CACYBP: variants seen among roughly 807,000 people sequenced by gnomAD.
CACYBP encodes the protein calcyclin-binding protein.
A neutral mutation model predicts 29.6 loss-of-function variants in CACYBP; 11 were observed. That is an observed-to-expected ratio of 0.37 (90% CI 0.23 to 0.61). CACYBP has a LOEUF of 0.61. CACYBP is among the 20% of genes least tolerant of loss of function. The pLI is 0.65. For synonymous variants in CACYBP, 73 were observed against 88.3 expected (o/e 0.83, Z 0.97); for missense variants, 163 against 260.7 (o/e 0.63, Z 2.58).
rs1672716598 is a variant in CACYBP at position 175,010,238 on chromosome 1, A to T, written c.*159A>T. The T allele has an allele frequency of 1.4e-5, 8 of 580,572 alleles. No individual in the cohort carries two copies. The highest frequency in any genetic ancestry group is 2.1e-5 in the Non-Finnish European group (7 of 331,932). The allele number at this position is 580,572 out of a possible 1,614,324, so 36.0% of individuals were successfully genotyped here. On this transcript the variant is annotated 3_prime_UTR_variant, in exon 6 of 6. Coordinates refer to ENST00000367679, the MANE Select transcript of CACYBP (RefSeq NM_014412.3). The stretch of plus-strand genomic sequence containing the variant: ...TTCTCCATTTCCTACTGGAGGATTT[A>T]TTTAAATAAAATATGCTTATTAAAC...
At chr1:175,005,245 T>G (rs1672590369) in intron 2 of CACYBP, among the ~76,000 whole-genome samples, 1 of 152,330 alleles carries the variant, frequency 6.6e-6, no homozygotes, top group Admixed American at 6.5e-5. Context: ...GTGCTTTGAC[T>G]TACGGATACA....
chr1:175,000,326 C>T, intron 1 of CACYBP, 131 bp downstream of exon 1: 1 of 1,474,924 alleles, frequency 6.8e-7, no homozygotes, highest in Non-Finnish European at 9.0e-7. Context: ...AGTGCGCCGC[C>T]TTCCCGGGGG....
chr1:175,007,862 C>G (rs570525887), intron 4 of CACYBP, among the ~76,000 whole-genome samples: 62 of 152,144 alleles, frequency 4.1e-4, no homozygotes, highest in Non-Finnish European at 8.2e-4. Context: ...TTTACTAAAT[C>G]AGATAGTCCC....
At chr1:175,004,507 C>A in intron 1 of CACYBP, 107 bp from the exon 2 acceptor site, 1 of 646,026 alleles carries the variant, frequency 1.5e-6, no homozygotes, top group Non-Finnish European at 2.6e-6. Context: ...TTTAGATGAA[C>A]TTCTTAATTC....
At chr1:175,004,990 A>T in intron 2 of CACYBP, 157 bp downstream of exon 2, 1 of 685,180 alleles carries the variant, frequency 1.5e-6, no homozygotes, top group South Asian at 1.6e-5. Flanking sequence ...TTAAGATATA[A>T]ATAGGAAAGG....
intron 5 of CACYBP, 89 bp downstream of exon 5, chr1:175,008,795 T>C: frequency 1.4e-6 from 1 of 733,624 alleles, no homozygotes; most frequent in Non-Finnish European, 2.5e-6. Flanking sequence ...ATAATGTATT[T>C]CTGCTTTCAA....
In CACYBP at chr1:175,000,102, G is replaced by C. The variant is rs773613992; in HGVS notation, c.-79G>C. On this transcript the variant is annotated 5_prime_UTR_variant, in exon 1 of 6. Transcript: ENST00000367679. ...TCGTGCGGGTAGGCGTCTGCGCTCG[G>C]TTTGAGGGCTCGGCGCGGGGTTTCC... The C allele has an allele frequency of 2.4e-4, 379 of 1,552,360 alleles. No homozygotes were observed. The highest frequency in any genetic ancestry group is 3.0e-4 in the Non-Finnish European group (349 of 1,145,832).
chr1:175,009,625 A>G lies in CACYBP; in HGVS notation c.531-298A>G, dbSNP rs145892840. ...TGCGCCACTGCACTCCAGCCTGGGCAACAGAGCAGGACTGTCTCAAAAAAA... is the reference window on the plus strand; with the variant it reads ...TGCGCCACTGCACTCCAGCCTGGGCGACAGAGCAGGACTGTCTCAAAAAAA... On this transcript the variant is annotated intron_variant, in intron 5 of 5. Coordinates refer to ENST00000367679, the MANE Select transcript of CACYBP (RefSeq NM_014412.3). Among the ~76,000 whole-genome samples the G allele has an allele frequency of 6.8e-3, 1,005 of 147,634 alleles. 8 individuals are homozygous for G. Among genetic ancestry groups the G allele is most frequent in the African/African-American group, 0.024 (965 of 40,082 alleles).
At chr1:175,002,068 A>G (rs1672505412) in intron 1 of CACYBP, among the ~76,000 whole-genome samples, 1 of 152,192 alleles carries the variant, frequency 6.6e-6, no homozygotes. Context: ...CGTGACTAGC[A>G]TAAATAATGC....
chr1:175,006,674 C>A, intron 2 of CACYBP, 71 bp from the exon 3 acceptor site: 1 of 744,240 alleles, frequency 1.3e-6, no homozygotes, highest in Non-Finnish European at 2.4e-6. Context: ...ACTTATGAGC[C>A]ATGTGCATTT....
chr1:175,005,040 C>T, intron 2 of CACYBP: 1 of 578,210 alleles, frequency 1.7e-6, no homozygotes, highest in Non-Finnish European at 3.1e-6. Flanking sequence ...AGGTGATTCA[C>T]TACAAAATGT....
Position 175,011,187 on chromosome 1 carries a change from T to TAC in CACYBP, c.*1108_*1109insAC, listed in dbSNP as rs1558327755. The TAC allele has an allele frequency of 4.1e-5, 6 of 146,306 alleles. No individual in the cohort carries two copies. The highest frequency in any genetic ancestry group is 1.5e-4 in the African/African-American group (6 of 39,182). The allele number at this position is 146,306 out of a possible 1,614,324, so 9.1% of individuals were successfully genotyped here. ...AACTAAACTAAAGCTACAATTAATA[T>TAC]GGGAATTTGGAAGAAGTGGTAGGAT... On this transcript the variant is annotated 3_prime_UTR_variant, in exon 6 of 6. Coordinates refer to ENST00000367679, the MANE Select transcript of CACYBP (RefSeq NM_014412.3).
chr1:175,011,130 C>T lies in CACYBP; in HGVS notation c.*1051C>T, dbSNP rs972594013. On this transcript the variant is annotated 3_prime_UTR_variant, in exon 6 of 6. Transcript: ENST00000367679. ...TTAAAAAAAAAAAAAAAAAAAAAGC[C>T]GTTAGACACACAGGAAAAATCCAGA... is the stretch of plus-strand genomic sequence containing the variant. The T allele has an allele frequency of 3.1e-5, 4 of 127,076 alleles. No homozygotes were observed. The highest frequency in any genetic ancestry group is 8.9e-5 in the African/African-American group (3 of 33,706). 7.9% of individuals were successfully genotyped at this position (127,076 alleles called of 1,614,324 possible).
chr1:175,007,011 G>A, intron 3 of CACYBP, 87 bp from the exon 4 acceptor site: 1 of 989,888 alleles, frequency 1.0e-6, no homozygotes, highest in East Asian at 2.4e-5. Flanking sequence ...CTGAAATAAA[G>A]CCAGCAGCTT....
Position 175,008,724 on chromosome 1 carries a change from T to G in CACYBP, c.530+18T>G, listed in dbSNP as rs754040198. The G allele has an allele frequency of 2.5e-6, 3 of 1,178,676 alleles. No individual in the cohort carries two copies. Among genetic ancestry groups the G allele is most frequent in the Admixed American group, 1.7e-5 (1 of 59,174 alleles). The allele number at this position is 1,178,676 out of a possible 1,614,324, so 73.0% of individuals were successfully genotyped here. On this transcript the variant is annotated intron_variant, in intron 5 of 5. Coordinates refer to ENST00000367679, the MANE Select transcript of CACYBP (RefSeq NM_014412.3). ...GAAAAAGAGTGAGTCTACTTCCATTTTTTTAAAGAATTTTAGTGTATTGTT... is the reference window on the plus strand; with the variant it reads ...GAAAAAGAGTGAGTCTACTTCCATTGTTTTAAAGAATTTTAGTGTATTGTT...
rs1035216613 is a variant in CACYBP, at chr1:174,999,987, G to A, written c.-194G>A. The A allele has an allele frequency of 1.9e-5, 14 of 736,888 alleles. No individual in the cohort carries two copies. Among genetic ancestry groups the A allele is most frequent in the East Asian group, 3.1e-5 (1 of 32,200 alleles). The allele number at this position is 736,888 out of a possible 1,614,324, so 45.6% of individuals were successfully genotyped here. A position where few individuals can be genotyped will look rare whatever the true frequency, so the allele number is the denominator to read the frequency against. ...CTCGCGGTGGGCGGTGGCGGCGGCT[G>A]CCTCGCGAAGGTTCGAGATCCGTCG... On this transcript the variant is annotated 5_prime_UTR_variant, in exon 1 of 6. Transcript: ENST00000367679.
chr1:175,005,998 C>T (rs1350111821), intron 2 of CACYBP, among the ~76,000 whole-genome samples: 1 of 152,094 alleles, frequency 6.6e-6, no homozygotes, highest in African/African-American at 2.4e-5. Context: ...GGGCATGTTT[C>T]TATTCTATAG....
chr1:175,008,737 T>C (rs778246676), intron 5 of CACYBP, 31 bp downstream of exon 5: 1 of 1,008,358 alleles, frequency 9.9e-7, no homozygotes, highest in Non-Finnish European at 1.6e-6. Flanking sequence ...TTAAAGAATT[T>C]TAGTGTATTG....
At chr1:175,009,895 C>T (rs1029458564) in intron 5 of CACYBP, 28 bp from the exon 6 acceptor site, 3 of 1,580,680 alleles carry the variant, frequency 1.9e-6, no homozygotes, top group Admixed American at 3.6e-5. Context: ...TTCGTTTCCC[C>T]ATTGTTGTAT....
Sources: gnomAD v4.1 joint callset for allele counts (sites outside exome capture counted in the v4.1 genomes callset) on GRCh38, gnomAD v4.1.1 for gene constraint, MANE v1.5 for transcripts, NCBI Gene and HGNC (gene_info 2026-07-23, HGNC 2026-07-21) for gene names.